ME2: variants seen among roughly 807,000 people sequenced by gnomAD.
The protein encoded by ME2 is malic enzyme 2, also known as NAD-dependent malic enzyme, mitochondrial.
A neutral mutation model predicts 73.7 loss-of-function variants in ME2; 60 were observed. The observed-to-expected ratio is 0.81, with a 90% confidence interval of 0.66 to 1.01. ME2 has a LOEUF of 1.01. ME2 is among the 50% of genes least tolerant of loss of function. ME2 has a pLI of 0.00. For synonymous variants in ME2, 199 were observed against 236.9 expected (o/e 0.84, Z 1.47); for missense variants, 594 against 705.5 (o/e 0.84, Z 1.79).
rs117318224 is a variant in ME2, at chr18:50,898,525, G to A, written c.108+2597G>A. Reference sequence around the variant, plus strand: ...GGCTTACTGCAGCCTTGACCTCCCCGGGCTCAGGTGATTTTCCCATCTCAC... The same window carrying A: ...GGCTTACTGCAGCCTTGACCTCCCCAGGCTCAGGTGATTTTCCCATCTCAC... On this transcript the variant is annotated intron_variant, in intron 2 of 15. Coordinates refer to ENST00000321341, the MANE Select transcript of ME2 (RefSeq NM_002396.5). Among the ~76,000 whole-genome samples the A allele has an allele frequency of 6.3e-3, 964 of 152,118 alleles. 6 individuals carry two copies. The highest frequency in any genetic ancestry group is 0.011 in the Non-Finnish European group (741 of 68,000).
chr18:50,940,245 G>A, intron 14 of ME2, 43 bp from the exon 15 acceptor site: 2 of 1,337,110 alleles, frequency 1.5e-6, no homozygotes, highest in African/African-American at 1.5e-5. Flanking sequence ...TCCTTATTCT[G>A]TTATTTAAAC....
rs1406621116 is a variant in ME2 at position 50,947,308 on chromosome 18, G to T, written c.*124G>T. Reference sequence around the variant, plus strand: ...GTTCTCCCTGACCACTTTGGTTGATGTATTTTTTCCATGCGTCTCCACATC... The same window carrying T: ...GTTCTCCCTGACCACTTTGGTTGATTTATTTTTTCCATGCGTCTCCACATC... On this transcript the variant is annotated 3_prime_UTR_variant, in exon 16 of 16. Transcript: ENST00000321341. 3.0e-6 allele frequency: 3 copies of T among 1,001,292 alleles called. No homozygotes were observed. The African/African-American group carries it at 4.9e-5, about 16-fold the overall frequency. 62.0% of individuals were successfully genotyped at this position (1,001,292 alleles called of 1,614,324 possible).
chr18:50,946,076 A>G (rs983565956), intron 15 of ME2, among the ~76,000 whole-genome samples: 4 of 151,950 alleles, frequency 2.6e-5, no homozygotes, highest in Admixed American at 1.3e-4. Context: ...CAAATAAATA[A>G]ATAAATAAAT....
rs553004146 is a variant in ME2, at chr18:50,883,264, C to T, written c.-13+3956C>T. On this transcript the variant is annotated intron_variant, in intron 1 of 15. Coordinates refer to ENST00000321341, the MANE Select transcript of ME2 (RefSeq NM_002396.5). ...CTCTCCAGTCTGTCTGACAGCAAAG[C>T]CTGTGCTTGTTGCCCTGTCATGAGC... Among the ~76,000 whole-genome samples the T allele has an allele frequency of 8.5e-5, 13 of 152,266 alleles. No homozygotes were observed. The South Asian group carries it at 2.1e-3, about 24-fold the overall frequency.
chr18:50,922,184 C>T (rs1031281983), intron 10 of ME2, among the ~76,000 whole-genome samples: 1 of 152,214 alleles, frequency 6.6e-6, no homozygotes, highest in Non-Finnish European at 1.5e-5. Context: ...AATGAAAAAT[C>T]TTGAGTGCTC....
chr18:50,939,771 T>C (rs1326279928), intron 14 of ME2, 131 bp downstream of exon 14: 2 of 638,696 alleles, frequency 3.1e-6, no homozygotes, highest in Non-Finnish European at 5.3e-6. Context: ...CAAATTACTT[T>C]TATGATTTGC....
chr18:50,929,767 T>G (rs1917651019), intron 12 of ME2, among the ~76,000 whole-genome samples: 1 of 152,180 alleles, frequency 6.6e-6, no homozygotes, highest in Admixed American at 6.5e-5. Flanking sequence ...TACTTAAAAC[T>G]AATGGTTATT....
Position 50,920,728 on chromosome 18 carries a change from A to T in ME2, c.912A>T (p.Glu304Asp). 1 of 1,611,806 alleles carries T rather than the reference A, an allele frequency of 6.2e-7. No homozygotes were observed. Among genetic ancestry groups the T allele is most frequent in the Non-Finnish European group, 8.5e-7 (1 of 1,179,744 alleles). Reference sequence around the variant, plus strand: ...AAGTTATTAGTAAACCAATCTCCGAACACAAAATCTTATTCCTTGGAGCAG... The same window carrying T: ...AAGTTATTAGTAAACCAATCTCCGATCACAAAATCTTATTCCTTGGAGCAG... Reference protein sequence around the residue: ...AQKVISKPISEHKILFLGAGE... With the variant: ...AQKVISKPISDHKILFLGAGE... Residue 304 changes from glutamate (E) to aspartate (D), a missense_variant, in exon 9 of 16, where the codon GAA becomes GAT. Transcript: ENST00000321341.
chr18:50,929,864 TA>T (rs1279620312), intron 12 of ME2, among the ~76,000 whole-genome samples: 3 of 152,166 alleles, frequency 2.0e-5, no homozygotes, highest in Non-Finnish European at 4.4e-5. Flanking sequence ...TTCCAAAATA[TA>T]AAAAATTTAA....
rs1320031263 is a variant in ME2, at chr18:50,950,467, C to CCTTTTTTTTTTTTTTTTTTTTTTTT, written c.*3283_*3284insCTTTTTTTTTTTTTTTTTTTTTTTT. The stretch of plus-strand genomic sequence containing the variant: ...GCCTGGGGTGGGGCCTCAGATTCTG[C>CCTTTTTTTTTTTTTTTTTTTTTTTT]TTTTTTTTTTTTTTTTTTTTTTTTT... On this transcript the variant is annotated 3_prime_UTR_variant, in exon 16 of 16. Coordinates refer to ENST00000321341, the MANE Select transcript of ME2 (RefSeq NM_002396.5). The CCTTTTTTTTTTTTTTTTTTTTTTTT allele has an allele frequency of 4.4e-5, 2 of 45,074 alleles. No homozygotes were observed. Among genetic ancestry groups the CCTTTTTTTTTTTTTTTTTTTTTTTT allele is most frequent in the African/African-American group, 1.8e-4 (2 of 11,286 alleles). The allele number at this position is 45,074 out of a possible 1,614,324, so 2.8% of individuals were successfully genotyped here.
At position 50,947,168 on chromosome 18, in the gene ME2, C is replaced by T. The variant is rs540948374; in HGVS notation, c.1739C>T (p.Pro580Leu). The T allele has an allele frequency of 4.6e-5, 74 of 1,613,090 alleles. No homozygotes were observed. In the South Asian group the frequency reaches 7.9e-4, roughly 17 times the overall value. Residue 580 changes from proline (P) to leucine (L), a missense_variant, in exon 16 of 16, where the codon CCT becomes CTT. Transcript: ENST00000321341. ...YEWPESASSP[P>L]VITE ...TGGCCAGAATCTGCATCAAGCCCTC[C>T]TGTGATAACAGAATAGAAGCACTCC...
At chr18:50,907,283 T>G (rs1312146156) in intron 2 of ME2, among the ~76,000 whole-genome samples, 3 of 152,200 alleles carry the variant, frequency 2.0e-5, no homozygotes, top group East Asian at 3.8e-4. Context: ...TTCATAGTAA[T>G]TGTGAGGTGT....
intron 2 of ME2, among the ~76,000 whole-genome samples, chr18:50,904,132 A>C (rs537059915): frequency 6.6e-6 from 1 of 152,304 alleles, no homozygotes; most frequent in East Asian, 1.9e-4. Flanking sequence ...CATTCATTTT[A>C]AAGTCTGTTT....
intron 6 of ME2, 116 bp from the exon 7 acceptor site, chr18:50,917,994 G>T: frequency 1.7e-6 from 1 of 572,376 alleles, no homozygotes. Flanking sequence ...AAAGTTTCTT[G>T]TAGGGCAATA....
chr18:50,889,763 T>C (rs1461506508), intron 1 of ME2, among the ~76,000 whole-genome samples: 1 of 152,222 alleles, frequency 6.6e-6, no homozygotes, highest in Non-Finnish European at 1.5e-5. Context: ...AACCTGTTCA[T>C]GTTAATGGGA....
chr18:50,900,719 T>G (rs1169263098), intron 2 of ME2, among the ~76,000 whole-genome samples: 1 of 152,130 alleles, frequency 6.6e-6, no homozygotes, highest in Non-Finnish European at 1.5e-5. Flanking sequence ...AACTGAATCG[T>G]GGGGGTGGTT....
chr18:50,937,936 C>G (rs1917855120), intron 13 of ME2, among the ~76,000 whole-genome samples: 1 of 152,146 alleles, frequency 6.6e-6, no homozygotes, highest in African/African-American at 2.4e-5. Flanking sequence ...CTCGTGTTTT[C>G]AGATAGGAAG....
chr18:50,883,512 A>G (rs1044272728), intron 1 of ME2, among the ~76,000 whole-genome samples: 1 of 152,098 alleles, frequency 6.6e-6, no homozygotes, highest in Non-Finnish European at 1.5e-5. Context: ...TTACTCATGG[A>G]AGGGGCAAGG....
chr18:50,912,905 T>G lies in ME2; in HGVS notation c.347T>G (p.Val116Gly). The G allele has an allele frequency of 6.2e-7, 1 of 1,612,338 alleles. No homozygotes were observed. Among genetic ancestry groups the G allele is most frequent in the Non-Finnish European group, 8.5e-7 (1 of 1,179,318 alleles). Residue 116 changes from valine (V) to glycine (G), a missense_variant, in exon 4 of 16, where the codon GTT becomes GGT. Physicochemically the swap from Val to Gly is moderately radical, Grantham distance 109. Transcript: ENST00000321341. ...ATGCCAATTGTATATACACCGACGG[T>G]TGGTCTTGCCTGCTCCCAGTATGGA... ...SLMPIVYTPT[V>G]GLACSQYGHI...
Sources: gnomAD v4.1 joint callset for allele counts (sites outside exome capture counted in the v4.1 genomes callset) on GRCh38, gnomAD v4.1.1 for gene constraint, MANE v1.5 for transcripts, NCBI Gene and HGNC (gene_info 2026-07-23, HGNC 2026-07-21) for gene names.